CHRM2: variants seen among roughly 807,000 people sequenced by gnomAD.
CHRM2 encodes the protein muscarinic acetylcholine receptor M2.
Under a neutral mutation model 25.0 loss-of-function variants are expected in CHRM2, and 8 were observed. That is an observed-to-expected ratio of 0.32 (90% CI 0.19 to 0.58). CHRM2 has a LOEUF of 0.58. CHRM2 is among the 20% of genes least tolerant of loss of function. The probability of loss-of-function intolerance (pLI) is 0.88; values close to 1 mark genes in which losing one functional copy is unlikely to be tolerated. For synonymous variants in CHRM2, 202 were observed against 205.7 expected (o/e 0.98, Z 0.15); for missense variants, 440 against 567.1 (o/e 0.78, Z 2.28).
chr7:136,875,812 C>A (rs1309710242), intron 2 of CHRM2, among the ~76,000 whole-genome samples: 2 of 152,146 alleles, frequency 1.3e-5, no homozygotes, highest in Admixed American at 1.3e-4. Flanking sequence ...AGAATCCATG[C>A]ACATAGCTTA....
chr7:136,887,337 A>AC (rs1554409899), intron 2 of CHRM2, among the ~76,000 whole-genome samples: 12 of 9,966 alleles, frequency 1.2e-3, no homozygotes, highest in East Asian at 0.091. Flanking sequence ...CGCTTTTCAC[A>AC]AAAAAAAAAT....
At chr7:136,989,554 C>T (rs2131011277) in intron 2 of CHRM2, among the ~76,000 whole-genome samples, 1 of 152,302 alleles carries the variant, frequency 6.6e-6, no homozygotes, top group Non-Finnish European at 1.5e-5. Flanking sequence ...TCAAGTCCCT[C>T]TGCTTTTTGG....
At chr7:136,906,149 T>TACAC in intron 2 of CHRM2, among the ~76,000 whole-genome samples, 1 of 150,760 alleles carries the variant, frequency 6.6e-6, no homozygotes, top group Admixed American at 6.6e-5. Context: ...TGTATATATG[T>TACAC]ATACATATAT....
At chr7:136,909,159 G>A (rs1022690466) in intron 2 of CHRM2, among the ~76,000 whole-genome samples, 8 of 151,846 alleles carry the variant, frequency 5.3e-5, no homozygotes, top group Non-Finnish European at 1.0e-4. Context: ...ATTATTCTGG[G>A]CTCAATAATT....
chr7:136,956,909 G>T (rs149199082), intron 2 of CHRM2, among the ~76,000 whole-genome samples: 2 of 151,696 alleles, frequency 1.3e-5, no homozygotes, highest in Middle Eastern at 3.4e-3. Flanking sequence ...CTCTCTTCCC[G>T]CTGACTCCTT....
Position 136,889,699 on chromosome 7 carries a change from T to C in CHRM2, c.-125+20281T>C, listed in dbSNP as rs376042731. Among the ~76,000 whole-genome samples, 42 of 152,356 alleles carry C rather than the reference T, an allele frequency of 2.8e-4. 1 individual carries two copies. The highest frequency in any genetic ancestry group is 9.9e-4 in the African/African-American group (41 of 41,576). ...ACATTTTGTAAACACATAAATGCTA[T>C]ACATATGCGGTGTACTAAAATGATA... is the stretch of plus-strand genomic sequence containing the variant. On this transcript the variant is annotated intron_variant, in intron 2 of 3. Coordinates refer to ENST00000680005, the MANE Select transcript of CHRM2 (RefSeq NM_001006630.2).
intron 2 of CHRM2, among the ~76,000 whole-genome samples, chr7:136,973,624 T>C (rs1391962908): frequency 5.0e-4 from 8 of 15,994 alleles, no homozygotes; most frequent in African/African-American, 9.0e-4. Flanking sequence ...GGGATGGTGG[T>C]AGGTGATGAC....
intron 2 of CHRM2, among the ~76,000 whole-genome samples, chr7:136,895,555 T>C (rs2130583141): frequency 6.6e-6 from 1 of 152,348 alleles, no homozygotes; most frequent in Non-Finnish European, 1.5e-5. Context: ...TTTCTTAGCA[T>C]GGTTTATCCA....
At chr7:136,897,130 CAAAAAAA>C (rs371077556) in intron 2 of CHRM2, among the ~76,000 whole-genome samples, 3 of 76,338 alleles carry the variant, frequency 3.9e-5, no homozygotes, top group Non-Finnish European at 8.7e-5. Flanking sequence ...GTAGGTTGGC[CAAAAAAA>C]AAAAAAAAAG....
chr7:136,872,548 T>C (rs190005025), intron 2 of CHRM2, among the ~76,000 whole-genome samples: 11 of 152,306 alleles, frequency 7.2e-5, no homozygotes, highest in African/African-American at 2.6e-4. Flanking sequence ...AATTTTCCAA[T>C]TCCAATTCCA....
At chr7:136,978,515 A>G (rs1802262248) in intron 2 of CHRM2, among the ~76,000 whole-genome samples, 1 of 152,132 alleles carries the variant, frequency 6.6e-6, no homozygotes, top group Non-Finnish European at 1.5e-5. Context: ...GGTTTGTTAC[A>G]TAGGTATACA....
At chr7:136,901,202 A>G (rs1268034168) in intron 2 of CHRM2, among the ~76,000 whole-genome samples, 1 of 152,012 alleles carries the variant, frequency 6.6e-6, no homozygotes, top group East Asian at 1.9e-4. Context: ...CATTTCCAAG[A>G]TCCAGGCATG....
intron 2 of CHRM2, among the ~76,000 whole-genome samples, chr7:136,873,843 T>C (rs570301476): frequency 2.3e-4 from 35 of 152,342 alleles, no homozygotes; most frequent in African/African-American, 7.9e-4. Flanking sequence ...CAGTGCTGAG[T>C]AGGCTCTTAG....
At chr7:136,900,442 T>C (rs984334903) in intron 2 of CHRM2, among the ~76,000 whole-genome samples, 42 of 152,214 alleles carry the variant, frequency 2.8e-4, no homozygotes, top group African/African-American at 9.9e-4. Context: ...GAATGGAGCC[T>C]TAGCTTGGAG....
At chr7:136,989,637 T>C (rs116572970) in intron 2 of CHRM2, among the ~76,000 whole-genome samples, 1,808 of 152,224 alleles carry the variant, frequency 0.012, 37 homozygotes, top group African/African-American at 0.042. Flanking sequence ...AATTCAATTA[T>C]ACATTTTAAA....
chr7:137,015,168 C>CT lies in CHRM2; in HGVS notation c.303_304insT (p.Leu102SerfsTer19). ...CTGTGGTGTGTGACCTTTGGCTAGC[C>CT]CTGGACTATGTGGTCAGCAATGCCT... On this transcript the variant is annotated frameshift_variant, in exon 4 of 4. Transcript: ENST00000680005. LOFTEE classifies it high-confidence loss of function. This position sits in a 1 kb window ranked among gnomAD's most constrained non-coding sequence, Gnocchi z 5.1. The CT allele has an allele frequency of 6.2e-7, 1 of 1,613,514 alleles. No homozygotes were observed. The highest frequency in any genetic ancestry group is 1.3e-5 in the African/African-American group (1 of 74,982).
At chr7:136,919,728 C>G (rs1798318222) in intron 2 of CHRM2, among the ~76,000 whole-genome samples, 3 of 152,072 alleles carry the variant, frequency 2.0e-5, no homozygotes, top group Non-Finnish European at 2.9e-5. Flanking sequence ...AAAGCCCTTT[C>G]TCTCCATTTC....
Position 136,942,397 on chromosome 7 carries a change from T to C in CHRM2, c.-124-49790T>C, listed in dbSNP as rs324573. On this transcript the variant is annotated intron_variant, in intron 2 of 3. Transcript: ENST00000680005. ...CCCTCCTCCTTCCCTTAGGAAGTGC[T>C]TCTGGCCACCTGTTCCCAAGGACCA... 8.6e-3 allele frequency among the ~76,000 whole-genome samples: 1,312 copies of C among 152,294 alleles called. 27 individuals are homozygous for C. Among genetic ancestry groups the C allele is most frequent in the African/African-American group, 0.03 (1,245 of 41,562 alleles).
intron 2 of CHRM2, among the ~76,000 whole-genome samples, chr7:136,896,115 T>C (rs1796889594): frequency 6.6e-6 from 1 of 152,226 alleles, no homozygotes; most frequent in South Asian, 2.1e-4. Context: ...TTACTTTTTT[T>C]TCTAAAAGAA....
Sources: gnomAD v4.1 joint callset for allele counts (sites outside exome capture counted in the v4.1 genomes callset) on GRCh38, gnomAD v4.1.1 for gene constraint, Gnocchi (gnomAD v3.1) non-coding constraint, MANE v1.5 for transcripts, NCBI Gene and HGNC (gene_info 2026-07-23, HGNC 2026-07-21) for gene names.